Variants in PTPRG observed in about 807,000 individuals in gnomAD.
The protein encoded by PTPRG is receptor-type tyrosine-protein phosphatase gamma.
In PTPRG, 102 loss-of-function variants were observed where a neutral mutation model predicts 165.3. The ratio of observed to expected loss-of-function variants is 0.62; its 90% CI spans 0.53 to 0.73. PTPRG has a LOEUF of 0.73. PTPRG is among the 30% of genes least tolerant of loss of function. PTPRG has a pLI of 0.00. For missense variants in PTPRG, 1,866 were observed against 1,861.4 expected (o/e 1.00, Z -0.05); for synonymous variants, 675 against 669.5 (o/e 1.01, Z -0.13).
intron 2 of PTPRG, among the ~76,000 whole-genome samples, chr3:61,915,311 C>G (rs2038907848): frequency 6.6e-6 from 1 of 152,164 alleles, no homozygotes; most frequent in African/African-American, 2.4e-5. Context: ...GTCGGTTCTC[C>G]ATTTCCTTTT....
chr3:61,956,992 G>T (rs2040048049), intron 2 of PTPRG, among the ~76,000 whole-genome samples: 1 of 152,112 alleles, frequency 6.6e-6, no homozygotes, highest in African/African-American at 2.4e-5. Context: ...TTGAAAATGT[G>T]TTAGTATTCC....
At chr3:62,141,358 T>C (rs1034962565) in intron 6 of PTPRG, among the ~76,000 whole-genome samples, 4 of 137,640 alleles carry the variant, frequency 2.9e-5, no homozygotes, top group African/African-American at 9.9e-5. Flanking sequence ...GTGAGCAACT[T>C]TGGAGCCGAG....
intron 9 of PTPRG, among the ~76,000 whole-genome samples, chr3:62,194,397 C>A (rs913839449): frequency 1.3e-5 from 2 of 152,236 alleles, no homozygotes; most frequent in Admixed American, 6.5e-5. Context: ...AAAGAACTGA[C>A]TCAGAACCCC....
At chr3:61,829,820 T>G (rs2036221527) in intron 2 of PTPRG, among the ~76,000 whole-genome samples, 1 of 152,186 alleles carries the variant, frequency 6.6e-6, no homozygotes, top group African/African-American at 2.4e-5. Context: ...TTAGCTGGTG[T>G]AACATGGTCC....
At chr3:62,257,167 T>C (rs1701555442) in intron 16 of PTPRG, among the ~76,000 whole-genome samples, 1 of 151,978 alleles carries the variant, frequency 6.6e-6, no homozygotes, top group African/African-American at 2.4e-5. Flanking sequence ...AATAAGAAAA[T>C]AGAAAAGCTC....
At chr3:62,015,293 G>A (rs920670281) in intron 4 of PTPRG, among the ~76,000 whole-genome samples, 1 of 152,152 alleles carries the variant, frequency 6.6e-6, no homozygotes, top group South Asian at 2.1e-4. Context: ...GCAGAGGCAG[G>A]AACCCGGGGC....
At chr3:61,861,905 G>T (rs2037281625) in intron 2 of PTPRG, among the ~76,000 whole-genome samples, 1 of 152,132 alleles carries the variant, frequency 6.6e-6, no homozygotes, top group African/African-American at 2.4e-5. Flanking sequence ...TGTGAAATTA[G>T]ATTGAAAGAA....
intron 2 of PTPRG, among the ~76,000 whole-genome samples, chr3:61,975,358 C>T (rs1433286793): frequency 6.6e-6 from 1 of 152,190 alleles, no homozygotes; most frequent in African/African-American, 2.4e-5. Context: ...GCACAAATGT[C>T]TGGTAACAGC....
intron 2 of PTPRG, among the ~76,000 whole-genome samples, chr3:61,932,574 T>C (rs1463479445): frequency 1.3e-5 from 2 of 152,220 alleles, no homozygotes; most frequent in Non-Finnish European, 2.9e-5. Flanking sequence ...TTTCATGCTT[T>C]CATTTGCATT....
intron 2 of PTPRG, among the ~76,000 whole-genome samples, chr3:61,767,661 C>T (rs1447648908): frequency 6.6e-6 from 1 of 152,092 alleles, no homozygotes; most frequent in Non-Finnish European, 1.5e-5. Context: ...GCTTTAAATG[C>T]AAGTTAAGAT....
At chr3:62,070,114 C>T (rs1056369632) in intron 4 of PTPRG, among the ~76,000 whole-genome samples, 5 of 152,042 alleles carry the variant, frequency 3.3e-5, no homozygotes, top group African/African-American at 1.2e-4. Context: ...CATTTTTCTC[C>T]ATAATTTAAA....
At chr3:61,891,611 GTT>G (rs573874595) in intron 2 of PTPRG, among the ~76,000 whole-genome samples, 99 of 152,358 alleles carry the variant, frequency 6.5e-4, no homozygotes, top group African/African-American at 2.3e-3. Flanking sequence ...CAAGAATGTT[GTT>G]ACAGATGCTT....
At chr3:62,068,940 T>G (rs564276854) in intron 4 of PTPRG, among the ~76,000 whole-genome samples, 57 of 152,362 alleles carry the variant, frequency 3.7e-4, no homozygotes, top group Non-Finnish European at 7.3e-4. Flanking sequence ...AGAATGTTTA[T>G]TTAAATGCCA....
intron 2 of PTPRG, among the ~76,000 whole-genome samples, chr3:61,954,814 C>T (rs936224144): frequency 2.5e-4 from 38 of 152,150 alleles, no homozygotes; most frequent in Non-Finnish European, 4.9e-4. Flanking sequence ...GAGAATATCT[C>T]AATGAGATGT....
intron 4 of PTPRG, among the ~76,000 whole-genome samples, chr3:62,058,677 G>A (rs78929469): frequency 0.062 from 9,510 of 152,206 alleles, 432 homozygotes; most frequent in Non-Finnish European, 0.096. Flanking sequence ...TGTAGGTGCT[G>A]TTGTTAGCAT....
At chr3:61,974,918 C>G (rs1157913708) in intron 2 of PTPRG, among the ~76,000 whole-genome samples, 1 of 152,130 alleles carries the variant, frequency 6.6e-6, no homozygotes, top group African/African-American at 2.4e-5. Context: ...TCAGATTTGC[C>G]TAACATCCTA....
At chr3:62,191,742 C>G in intron 9 of PTPRG, 89 bp downstream of exon 9, 1 of 1,302,336 alleles carries the variant, frequency 7.7e-7, no homozygotes, top group Non-Finnish European at 1.1e-6. Context: ...AGTGTGCCAG[C>G]TCTGTGTCAT....
At chr3:61,658,375 G>A (rs967502083) in intron 1 of PTPRG, among the ~76,000 whole-genome samples, 2 of 152,174 alleles carry the variant, frequency 1.3e-5, no homozygotes, top group African/African-American at 4.8e-5. Flanking sequence ...AGGAGGCAAC[G>A]TGGAGTCACA....
At chr3:61,776,700 C>T (rs546635663) in intron 2 of PTPRG, among the ~76,000 whole-genome samples, 55 of 152,110 alleles carry the variant, frequency 3.6e-4, no homozygotes, top group African/African-American at 1.2e-3. Context: ...TATTTTGCCA[C>T]GGTCTGTCTT....
Sources: allele counts gnomAD v4.1 joint callset (sites outside exome capture counted in the v4.1 genomes callset), GRCh38; gene constraint gnomAD v4.1.1; transcripts MANE v1.5; gene names NCBI Gene and HGNC (gene_info 2026-07-23, HGNC 2026-07-21).